The following PROM1 variants were observed in gnomAD, a reference collection of about 807,000 sequenced individuals.
PROM1 encodes the protein prominin-1.
In PROM1, 105 loss-of-function variants were observed where a neutral mutation model predicts 116.9. That is an observed-to-expected ratio of 0.90 (90% CI 0.77 to 1.06). The LOEUF (loss-of-function observed/expected upper bound fraction) is 1.06. Among genes scored for constraint, PROM1 ranks in the 50% least tolerant of loss-of-function variants. The pLI is 0.00. For synonymous variants in PROM1, 393 were observed against 387.0 expected (o/e 1.02, Z -0.18); for missense variants, 1,122 against 1,045.2 (o/e 1.07, Z -1.01).
chr4:16,077,500 C>T (rs565455874), intron 1 of PROM1, among the ~76,000 whole-genome samples: 9 of 152,250 alleles, frequency 5.9e-5, no homozygotes, highest in East Asian at 1.9e-4. Flanking sequence ...ATCCTCCGTA[C>T]GCTGAACGCT....
intron 2 of PROM1, among the ~76,000 whole-genome samples, chr4:16,047,032 T>C (rs1457810010): frequency 6.6e-6 from 1 of 152,182 alleles, no homozygotes; most frequent in South Asian, 2.1e-4. Flanking sequence ...TTCTAAGGAA[T>C]TGTGGGACCT....
chr4:16,063,105 A>G (rs1235877606), intron 2 of PROM1, among the ~76,000 whole-genome samples: 3 of 152,204 alleles, frequency 2.0e-5, no homozygotes, highest in African/African-American at 7.2e-5. Flanking sequence ...TTTTCCCCCA[A>G]AATGAACCTG....
At chr4:16,004,769 CTTT>C (rs902491737) in intron 13 of PROM1, among the ~76,000 whole-genome samples, 1 of 151,860 alleles carries the variant, frequency 6.6e-6, no homozygotes, top group Non-Finnish European at 1.5e-5. Context: ...GTGATTTCTC[CTTT>C]TTTTCTTCTC....
chr4:16,003,558 A>C (rs1724423501), intron 13 of PROM1, among the ~76,000 whole-genome samples: 1 of 152,150 alleles, frequency 6.6e-6, no homozygotes, highest in Non-Finnish European at 1.5e-5. Context: ...AAATCACGAG[A>C]TGCTTGTGCC....
In PROM1 at chr4:15,985,968, CAG is replaced by C. The variant is rs1177575798; in HGVS notation, c.2198_2199del (p.Ser733CysfsTer4). ...AAAAGAAGGCTCACCTCAATAATAA[CAG>C]AGGAAGTATTGTTTGTGATGAAGTT... Reference protein sequence around the residue: ...AQNFITNNTSSVIIEETKKYG... With the variant: ...AQNFITNNTSXVIIEETKKYG... On this transcript the variant is annotated frameshift_variant, in exon 21 of 28. Coordinates refer to ENST00000447510, the MANE Select transcript of PROM1 (RefSeq NM_006017.3). LOFTEE classifies it high-confidence loss of function. 1 of 1,123,560 alleles carries C rather than the reference CAG, an allele frequency of 8.9e-7. No individual in the cohort carries two copies. Among genetic ancestry groups the C allele is most frequent in the Non-Finnish European group, 1.1e-6 (1 of 883,612 alleles). The allele number at this position is 1,123,560 out of a possible 1,614,324, so 69.6% of individuals were successfully genotyped here. A position where few individuals can be genotyped will look rare whatever the true frequency, so the allele number is the denominator to read the frequency against.
chr4:15,999,805 A>C (rs889907164), intron 14 of PROM1, among the ~76,000 whole-genome samples: 1 of 152,170 alleles, frequency 6.6e-6, no homozygotes, highest in Non-Finnish European at 1.5e-5. Flanking sequence ...ATATACAATG[A>C]AAGAGTGAAA....
rs191223094 is a variant in PROM1 at position 15,991,186 on chromosome 4, A to G, written c.1983+36T>C. The G allele has an allele frequency of 5.8e-5, 90 of 1,548,144 alleles. No individual in the cohort carries two copies. In the African/African-American group the frequency reaches 1.2e-3, roughly 20 times the overall value. Reference sequence around the variant, plus strand: ...ATGGTACTGACATTTGACATCTACAACTACTACAGTATTTAACCGGACGAT... The same window carrying G: ...ATGGTACTGACATTTGACATCTACAGCTACTACAGTATTTAACCGGACGAT... On this transcript the variant is annotated intron_variant, in intron 18 of 27. Transcript: ENST00000447510.
intron 12 of PROM1, among the ~76,000 whole-genome samples, chr4:16,008,496 T>C (rs1462830609): frequency 6.6e-6 from 1 of 152,258 alleles, no homozygotes; most frequent in Non-Finnish European, 1.5e-5. Context: ...AATGTTTATA[T>C]TGGTTTATAA....
intron 1 of PROM1, chr4:16,082,376 C>G (rs1436166766): frequency 6.6e-6 from 1 of 152,090 alleles, no homozygotes; most frequent in Non-Finnish European, 1.5e-5. Flanking sequence ...GAACTACGAT[C>G]GTGCACTTGC....
intron 5 of PROM1, among the ~76,000 whole-genome samples, chr4:16,030,426 TG>T (rs1222443299): frequency 1.3e-5 from 2 of 152,082 alleles, no homozygotes; most frequent in East Asian, 1.9e-4. Context: ...TTTACTTGGG[TG>T]GGGAAAAAAA....
intron 2 of PROM1, among the ~76,000 whole-genome samples, chr4:16,058,679 T>G (rs1739605910): frequency 6.6e-6 from 1 of 151,014 alleles, no homozygotes. Context: ...GAACACCGCA[T>G]TTAAAAACTT....
At chr4:16,012,324 C>A (rs1452173675) in intron 11 of PROM1, among the ~76,000 whole-genome samples, 1 of 152,098 alleles carries the variant, frequency 6.6e-6, no homozygotes, top group Non-Finnish European at 1.5e-5. Flanking sequence ...AGCAAATAAT[C>A]CAGGTTTGTC....
rs201106960 is a variant in PROM1, at chr4:15,984,377, G to C, written c.2281-22C>G. The C allele has an allele frequency of 9.1e-5, 137 of 1,500,572 alleles. No homozygotes were observed. The African/African-American group carries it at 1.8e-3, about 20-fold the overall frequency. The allele number at this position is 1,500,572 out of a possible 1,614,324, so 93.0% of individuals were successfully genotyped here. ...TGATCTAGGGGGGTGGAAACACAGG[G>C]AAACTTTGAGCTGCATCCACAAAAA... On this transcript the variant is annotated intron_variant, in intron 22 of 27. Coordinates refer to ENST00000447510, the MANE Select transcript of PROM1 (RefSeq NM_006017.3).
At chr4:16,036,650 G>A (rs946855003) in intron 3 of PROM1, among the ~76,000 whole-genome samples, 49 of 152,312 alleles carry the variant, frequency 3.2e-4, no homozygotes, top group African/African-American at 1.1e-3. Context: ...ACATGAGTCA[G>A]AAGATATGGG....
rs543616095 is a variant in PROM1 at position 15,984,202 on chromosome 4, C to A, written c.2373+61G>T. 1.4e-5 allele frequency: 19 copies of A among 1,312,346 alleles called. No homozygotes were observed. In the South Asian group the frequency reaches 2.1e-4, roughly 14 times the overall value. 81.3% of individuals were successfully genotyped at this position (1,312,346 alleles called of 1,614,324 possible). ...CAAATATTATAATGTATATCATAAT[C>A]CAGAAAAACAACCAAAGATGATGGA... is the stretch of plus-strand genomic sequence containing the variant. On this transcript the variant is annotated intron_variant, in intron 23 of 27. Transcript: ENST00000447510.
chr4:16,079,561 C>G (rs1205768711), intron 1 of PROM1: 1 of 152,246 alleles, frequency 6.6e-6, no homozygotes, highest in East Asian at 1.9e-4. Flanking sequence ...TGAGTATTTA[C>G]CAGCTAAACC....
intron 2 of PROM1, among the ~76,000 whole-genome samples, chr4:16,065,375 A>T (rs1435302552): frequency 6.6e-6 from 1 of 152,106 alleles, no homozygotes; most frequent in African/African-American, 2.4e-5. Flanking sequence ...ACTCTTCCAC[A>T]CACTCATAGC....
rs1299158990 is a variant in PROM1, at chr4:16,013,340, TG to T, written c.1078-3del. The T allele has an allele frequency of 6.3e-7, 1 of 1,596,172 alleles. No homozygotes were observed. Among genetic ancestry groups the T allele is most frequent in the Non-Finnish European group, 8.6e-7 (1 of 1,163,660 alleles). On this transcript the variant is annotated splice_region_variant and splice_polypyrimidine_tract_variant and intron_variant, in intron 10 of 27. Coordinates refer to ENST00000447510, the MANE Select transcript of PROM1 (RefSeq NM_006017.3). The stretch of plus-strand genomic sequence containing the variant: ...TATATCATTAAGGGATTGATAGCCC[TG>T]AAAAATATTTCAAAATAAAAGGATG...
Position 16,074,079 on chromosome 4 carries a change from A to C in PROM1, c.220+1608T>G, listed in dbSNP as rs1743428936. On this transcript the variant is annotated intron_variant, in intron 2 of 27. Transcript: ENST00000447510. ...ATTCTATGCCTTTTATATTAAAACA[A>C]AACCAAGAAGCAAAGACTAAAAACA... Among the ~76,000 whole-genome samples the C allele has an allele frequency of 2.6e-5, 4 of 152,338 alleles. No individual in the cohort carries two copies. In the South Asian group the frequency reaches 8.3e-4, roughly 32 times the overall value.
Sources: gnomAD v4.1 joint callset for allele counts (sites outside exome capture counted in the v4.1 genomes callset) on GRCh38, gnomAD v4.1.1 for gene constraint, MANE v1.5 for transcripts, NCBI Gene and HGNC (gene_info 2026-07-23, HGNC 2026-07-21) for gene names.